Variants in FBXO8 observed in about 807,000 individuals in gnomAD.
The protein encoded by FBXO8 is F-box only protein 8.
In FBXO8, 15 loss-of-function variants were observed where a neutral mutation model predicts 33.4. The ratio of observed to expected loss-of-function variants is 0.45; its 90% confidence interval spans 0.30 to 0.69. The LOEUF is 0.69. Ranked by LOEUF, FBXO8 falls within the 30% of genes least tolerant of loss-of-function variation. FBXO8 has a pLI of 0.08. For missense variants in FBXO8, 274 were observed against 380.3 expected, an observed-to-expected ratio of 0.72 and a Z score of 2.32; for synonymous variants, 132 against 131.5, an observed-to-expected ratio of 1.00 and a Z score of -0.02.
chr4:174,274,245 T>A lies in FBXO8; in HGVS notation c.-9+9165A>T. ...CAGCATCAAACCCCAACACGGAATC[T>A]GATTAGCCTGTGATTTCTGATCCTC... On this transcript the variant is annotated intron_variant, in intron 1 of 5. Transcript: ENST00000393674. This position sits in a 1 kb window ranked among gnomAD's most constrained non-coding sequence, Gnocchi z 4.0. Among the ~76,000 whole-genome samples the A allele has an allele frequency of 6.6e-6, 1 of 152,226 alleles. No individual in the cohort carries two copies. Among genetic ancestry groups the A allele is most frequent in the Non-Finnish European group, 1.5e-5 (1 of 68,040 alleles).
rs369333450 is a variant in FBXO8, at chr4:174,268,724, C to A, written c.-8-5624G>T. 3.3e-5 allele frequency among the ~76,000 whole-genome samples: 5 copies of A among 152,182 alleles called. No homozygotes were observed. The South Asian group carries it at 1.0e-3, about 32-fold the overall frequency. ...GTGCTGGGATTACAGGCGTGAGCCA[C>A]CGCGCCCGGCCGGGGGCCGTTTTAA... On this transcript the variant is annotated intron_variant, in intron 1 of 5. Transcript: ENST00000393674.
chr4:174,275,096 TAAACAAA>T lies in FBXO8; in HGVS notation c.-9+8307_-9+8313del, dbSNP rs1431512652. Reference sequence around the variant, plus strand: ...ATATAAACAACTCTCAAAACAATAGTAAACAAAAACCAAACAATCCAATATAAAAATG... The same window carrying T: ...ATATAAACAACTCTCAAAACAATAGTAACCAAACAATCCAATATAAAAATG... On this transcript the variant is annotated intron_variant, in intron 1 of 5. Transcript: ENST00000393674. This position sits in a 1 kb window ranked among gnomAD's most constrained non-coding sequence, Gnocchi z 4.4. Among the ~76,000 whole-genome samples, 4 of 152,046 alleles carry T rather than the reference TAAACAAA, an allele frequency of 2.6e-5. No homozygotes were observed. Among genetic ancestry groups the T allele is most frequent in the African/African-American group, 9.7e-5 (4 of 41,406 alleles).
chr4:174,277,322 CTA>C lies in FBXO8; in HGVS notation c.-9+6086_-9+6087del, dbSNP rs1736982359. 6.6e-6 allele frequency among the ~76,000 whole-genome samples: 1 copy of C among 152,050 alleles called. No individual in the cohort carries two copies. The highest frequency in any genetic ancestry group is 2.4e-5 in the African/African-American group (1 of 41,424). On this transcript the variant is annotated intron_variant, in intron 1 of 5. Transcript: ENST00000393674. The surrounding 1 kb of genome is among the most constrained non-coding windows in gnomAD (Gnocchi z 4.9). The stretch of plus-strand genomic sequence containing the variant: ...TAATATTTTGTATCTAATACAAAGT[CTA>C]TCTGTAAAATATTAAGCAGCTTTAA...
In FBXO8 at chr4:174,238,999, C is replaced by G. The variant is rs745414982; in HGVS notation, c.767G>C (p.Ser256Thr). 2 of 1,558,832 alleles carry G rather than the reference C, an allele frequency of 1.3e-6. No individual in the cohort carries two copies. The highest frequency in any genetic ancestry group is 1.7e-6 in the Non-Finnish European group (2 of 1,150,736). ...NPDLMRELGL[S>T]PDAVYVLCYS... ...ATTAATATATATATTCTTACCAGGACTAAGGCCAAGTTCTCGCATTAAATC... is the reference window on the plus strand; with the variant it reads ...ATTAATATATATATTCTTACCAGGAGTAAGGCCAAGTTCTCGCATTAAATC... Residue 256 changes from serine to threonine, a missense_variant, in exon 5 of 6, where the codon AGT becomes ACT. Coordinates refer to ENST00000393674, the MANE Select transcript of FBXO8 (RefSeq NM_012180.3).
chr4:174,246,403 G>A (rs1736158017), intron 3 of FBXO8, among the ~76,000 whole-genome samples: 1 of 151,964 alleles, frequency 6.6e-6, no homozygotes, highest in African/African-American at 2.4e-5. Flanking sequence ...AGGGCACTGA[G>A]TTTGGTGACT....
rs987738215 is a variant in FBXO8 at position 174,251,254 on chromosome 4, A to G, written c.456+8445T>C. On this transcript the variant is annotated intron_variant, in intron 3 of 5. Transcript: ENST00000393674. This position sits in a 1 kb window ranked among gnomAD's most constrained non-coding sequence, Gnocchi z 4.2. Reference sequence around the variant, plus strand: ...AGTAGTTCCCATAGCACACTGAATAAAACAAGAGCAAAATACATCAGGTGG... The same window carrying G: ...AGTAGTTCCCATAGCACACTGAATAGAACAAGAGCAAAATACATCAGGTGG... Among the ~76,000 whole-genome samples, 1 of 152,200 alleles carries G rather than the reference A, an allele frequency of 6.6e-6. No individual in the cohort carries two copies. Among genetic ancestry groups the G allele is most frequent in the Non-Finnish European group, 1.5e-5 (1 of 68,022 alleles).
In FBXO8 at chr4:174,259,467, A is replaced by G. The variant is rs1736493164; in HGVS notation, c.456+232T>C. 6.6e-6 allele frequency among the ~76,000 whole-genome samples: 1 copy of G among 152,096 alleles called. No homozygotes were observed. Among genetic ancestry groups the G allele is most frequent in the Admixed American group, 6.6e-5 (1 of 15,256 alleles). On this transcript the variant is annotated intron_variant, in intron 3 of 5. Transcript: ENST00000393674. This position sits in a 1 kb window ranked among gnomAD's most constrained non-coding sequence, Gnocchi z 4.3. ...CAGGTCAGTAGAGGACTGAATATATATCATGGATGCTGCTACATAAAGTGA... is the reference window on the plus strand; with the variant it reads ...CAGGTCAGTAGAGGACTGAATATATGTCATGGATGCTGCTACATAAAGTGA...
Position 174,278,722 on chromosome 4 carries a change from T to C in FBXO8, c.-9+4688A>G, listed in dbSNP as rs1737008686. On this transcript the variant is annotated intron_variant, in intron 1 of 5. Coordinates refer to ENST00000393674, the MANE Select transcript of FBXO8 (RefSeq NM_012180.3). The surrounding 1 kb of genome is among the most constrained non-coding windows in gnomAD (Gnocchi z 4.1). Reference sequence around the variant, plus strand: ...ACCTGCCCACTAACCACAAAGGCCATTGCTATGAGTGCTATGGAATTAAAA... The same window carrying C: ...ACCTGCCCACTAACCACAAAGGCCACTGCTATGAGTGCTATGGAATTAAAA... Among the ~76,000 whole-genome samples the C allele has an allele frequency of 6.6e-6, 1 of 152,126 alleles. No individual in the cohort carries two copies. The highest frequency in any genetic ancestry group is 1.5e-5 in the Non-Finnish European group (1 of 67,960).
intron 4 of FBXO8, among the ~76,000 whole-genome samples, chr4:174,239,704 C>T (rs994989900): frequency 6.6e-6 from 1 of 151,656 alleles, no homozygotes; most frequent in East Asian, 1.9e-4. Flanking sequence ...CTTTGTATAT[C>T]TTTATACCTA....
chr4:174,262,509 T>C lies in FBXO8; in HGVS notation c.329+255A>G, dbSNP rs777869468. Among the ~76,000 whole-genome samples, 1 of 152,190 alleles carries C rather than the reference T, an allele frequency of 6.6e-6. No individual in the cohort carries two copies. Among genetic ancestry groups the C allele is most frequent in the Non-Finnish European group, 1.5e-5 (1 of 68,016 alleles). On this transcript the variant is annotated intron_variant, in intron 2 of 5. Coordinates refer to ENST00000393674, the MANE Select transcript of FBXO8 (RefSeq NM_012180.3). The surrounding 1 kb of genome is among the most constrained non-coding windows in gnomAD (Gnocchi z 4.6). The stretch of plus-strand genomic sequence containing the variant: ...TAAAGTGAGAGTTTCTGACTTATAA[T>C]CAACTGACAGAGCCTGATTGGTAAC...
Position 174,259,550 on chromosome 4 carries a change from T to G in FBXO8, c.456+149A>C. ...GGCGAAGAAAAATGACTATGTCACA[T>G]AGCAATAGTTTAAAATATTGGTTTT... On this transcript the variant is annotated intron_variant, in intron 3 of 5. Coordinates refer to ENST00000393674, the MANE Select transcript of FBXO8 (RefSeq NM_012180.3). This position sits in a 1 kb window ranked among gnomAD's most constrained non-coding sequence, Gnocchi z 4.3. 1.0e-6 allele frequency: 1 copy of G among 966,044 alleles called. No homozygotes were observed. Among genetic ancestry groups the G allele is most frequent in the Admixed American group, 2.9e-5 (1 of 34,812 alleles). 59.8% of individuals were successfully genotyped at this position (966,044 alleles called of 1,614,324 possible). A position where few individuals can be genotyped will look rare whatever the true frequency, so the allele number is the denominator to read the frequency against.
At position 174,277,986 on chromosome 4, in the gene FBXO8, A is replaced by C. The variant is rs1185389951; in HGVS notation, c.-9+5424T>G. Among the ~76,000 whole-genome samples, 3 of 152,130 alleles carry C rather than the reference A, an allele frequency of 2.0e-5. No homozygotes were observed. The highest frequency in any genetic ancestry group is 4.8e-5 in the African/African-American group (2 of 41,456). ...AGAGTCTATGAGAAAATATTTTCTG[A>C]GACATTTTGAATCAAATCAGGAGCC... On this transcript the variant is annotated intron_variant, in intron 1 of 5. Transcript: ENST00000393674. The surrounding 1 kb of genome is among the most constrained non-coding windows in gnomAD (Gnocchi z 4.9).
At position 174,270,184 on chromosome 4, in the gene FBXO8, T is replaced by C. The variant is rs1736804557; in HGVS notation, c.-8-7084A>G. ...CACATTAGCCGAGACAGAGCTATTT[T>C]ATTAAATTAATCTCATGTATAAGAA... On this transcript the variant is annotated intron_variant, in intron 1 of 5. Transcript: ENST00000393674. The surrounding 1 kb of genome is among the most constrained non-coding windows in gnomAD (Gnocchi z 4.6). Among the ~76,000 whole-genome samples, 1 of 152,252 alleles carries C rather than the reference T, an allele frequency of 6.6e-6. No individual in the cohort carries two copies. The highest frequency in any genetic ancestry group is 1.5e-5 in the Non-Finnish European group (1 of 68,044).
chr4:174,252,929 C>T lies in FBXO8; in HGVS notation c.456+6770G>A, dbSNP rs1179535576. The stretch of plus-strand genomic sequence containing the variant: ...GTGATTGCAGTGAGCCAAGACTGCA[C>T]CACTGCACTCCAGCCTGGGCAACAG... On this transcript the variant is annotated intron_variant, in intron 3 of 5. Transcript: ENST00000393674. The surrounding 1 kb of genome is among the most constrained non-coding windows in gnomAD (Gnocchi z 5.1). 1.3e-5 allele frequency among the ~76,000 whole-genome samples: 2 copies of T among 152,096 alleles called. No homozygotes were observed. Among genetic ancestry groups the T allele is most frequent in the Admixed American group, 6.5e-5 (1 of 15,270 alleles).
At chr4:174,279,574 G>A (rs894182963) in intron 1 of FBXO8, among the ~76,000 whole-genome samples, 2 of 152,024 alleles carry the variant, frequency 1.3e-5, no homozygotes. Context: ...CAACAAAGCT[G>A]GAAGACACTT....
At chr4:174,248,697 T>C (rs1371011016) in intron 3 of FBXO8, among the ~76,000 whole-genome samples, 1 of 152,184 alleles carries the variant, frequency 6.6e-6, no homozygotes, top group Non-Finnish European at 1.5e-5. Context: ...GATTTTACAT[T>C]TACCTTTCGT....
At position 174,237,251 on chromosome 4, in the gene FBXO8, A is replaced by G; in HGVS notation, c.*161T>C. ...CAAAATTATTTAGTTCCCCAAGGAA[A>G]TTACTAAAATAGAAAATGGCAAAAG... On this transcript the variant is annotated 3_prime_UTR_variant, in exon 6 of 6. Coordinates refer to ENST00000393674, the MANE Select transcript of FBXO8 (RefSeq NM_012180.3). The surrounding 1 kb of genome is among the most constrained non-coding windows in gnomAD (Gnocchi z 4.4). 1.8e-6 allele frequency: 1 copy of G among 568,142 alleles called. No homozygotes were observed. Among genetic ancestry groups the G allele is most frequent in the Middle Eastern group, 4.3e-4 (1 of 2,350 alleles). The allele number at this position is 568,142 out of a possible 1,614,324, so 35.2% of individuals were successfully genotyped here. A position where few individuals can be genotyped will look rare whatever the true frequency, so the allele number is the denominator to read the frequency against.
Position 174,239,078 on chromosome 4 carries a change from A to G in FBXO8, c.688T>C (p.Tyr230His). ...AACTTTGTTATAAGAGTTTCAAGATACTCTCCACGCTCTTCAGGGGCATGG... is the reference window on the plus strand; with the variant it reads ...AACTTTGTTATAAGAGTTTCAAGATGCTCTCCACGCTCTTCAGGGGCATGG... ...HIHAPEERGE[Y>H]LETLITKFSH... The change falls in exon 5 of 6, where the codon TAT becomes CAT. Residue 230 changes from tyrosine to histidine, a missense_variant. Physicochemically the swap from Tyr to His is moderately conservative, Grantham distance 83. Coordinates refer to ENST00000393674, the MANE Select transcript of FBXO8 (RefSeq NM_012180.3). 6.2e-7 allele frequency: 1 copy of G among 1,607,562 alleles called. No homozygotes were observed. Among genetic ancestry groups the G allele is most frequent in the Non-Finnish European group, 8.5e-7 (1 of 1,176,454 alleles).
At chr4:174,248,542 G>T (rs1187303979) in intron 3 of FBXO8, among the ~76,000 whole-genome samples, 1 of 151,982 alleles carries the variant, frequency 6.6e-6, no homozygotes, top group Non-Finnish European at 1.5e-5. Flanking sequence ...TTCTTCCAGA[G>T]CAAGAACAGA....
Sources: gnomAD v4.1 joint callset for allele counts (sites outside exome capture counted in the v4.1 genomes callset) on GRCh38, gnomAD v4.1.1 for gene constraint, Gnocchi (gnomAD v3.1) non-coding constraint, MANE v1.5 for transcripts, NCBI Gene and HGNC (gene_info 2026-07-23, HGNC 2026-07-21) for gene names.